LIMS2: variants seen among roughly 807,000 people sequenced by gnomAD.
LIMS2 encodes LIM and senescent cell antigen-like-containing domain protein 2.
LIMS2 carries 30 observed loss-of-function variants against 45.3 expected under a neutral mutation model. That is an observed-to-expected ratio of 0.66 (90% CI 0.50 to 0.90). The LOEUF is 0.90. Among genes scored for constraint, LIMS2 ranks in the 40% least tolerant of loss-of-function variants. LIMS2 has a pLI of 0.00. For synonymous variants in LIMS2, 173 were observed against 188.0 expected, an observed-to-expected ratio of 0.92 and a Z score of 0.65; for missense variants, 485 against 468.7, an observed-to-expected ratio of 1.03 and a Z score of -0.32.
At chr2:127,678,879 C>T (rs1685557426), upstream of LIMS2, among the ~76,000 whole-genome samples, 2 of 152,140 alleles carry the variant, frequency 1.3e-5, no homozygotes, top group Non-Finnish European at 2.9e-5. The surrounding 1 kb of genome is among the most constrained non-coding windows in gnomAD (Gnocchi z 5.3). Flanking sequence ...AAGAGAGGTC[C>T]ATTCTCCAGC....
rs900512457 is a variant in LIMS2, at chr2:127,674,926, G to A, written c.11+88C>T. The A allele has an allele frequency of 1.9e-3, 2,287 of 1,222,572 alleles. 9 individuals carry two copies. Among genetic ancestry groups the A allele is most frequent in the Non-Finnish European group, 2.2e-3 (2,160 of 981,620 alleles). 75.7% of individuals were successfully genotyped at this position (1,222,572 alleles called of 1,614,324 possible). On this transcript the variant is annotated intron_variant, in intron 1 of 9. Transcript: ENST00000355119. The stretch of plus-strand genomic sequence containing the variant: ...AGGGCGGAGCGGGGATCGTGGCGCC[G>A]CGGGGCTGTACGAGGGCGAGCTGCG...
Position 127,675,140 on chromosome 2 carries a change from C to A in LIMS2, c.-116G>T. ...CCGGGCCGCGGAGCAGGGAGACGCCCAAAAAAGGCCAAGAGCCGCTCCGCC... is the reference window on the plus strand; with the variant it reads ...CCGGGCCGCGGAGCAGGGAGACGCCAAAAAAAGGCCAAGAGCCGCTCCGCC... On this transcript the variant is annotated 5_prime_UTR_variant, in exon 1 of 10. Coordinates refer to ENST00000355119, the MANE Select transcript of LIMS2 (RefSeq NM_001161403.3). 1 of 787,102 alleles carries A rather than the reference C, an allele frequency of 1.3e-6. No individual in the cohort carries two copies. The highest frequency in any genetic ancestry group is 1.1e-4 in the East Asian group (1 of 9,108). 48.8% of individuals were successfully genotyped at this position (787,102 alleles called of 1,614,324 possible). A position where few individuals can be genotyped will look rare whatever the true frequency, so the allele number is the denominator to read the frequency against.
At chr2:127,640,675 C>T (rs1682315595) in intron 7 of LIMS2, 1 of 598,986 alleles carries the variant, frequency 1.7e-6, no homozygotes, top group African/African-American at 1.9e-5. Context: ...TGCCCGGGAC[C>T]TCACACCAGC....
chr2:127,656,589 A>G (rs1293842406), intron 2 of LIMS2, among the ~76,000 whole-genome samples: 1 of 151,282 alleles, frequency 6.6e-6, no homozygotes, highest in Non-Finnish European at 1.5e-5. Context: ...CATTTTTTGT[A>G]TTTTTAGTAC....
At chr2:127,662,224 G>C (rs572864026) in intron 1 of LIMS2, among the ~76,000 whole-genome samples, 1 of 152,332 alleles carries the variant, frequency 6.6e-6, no homozygotes, top group East Asian at 1.9e-4. Flanking sequence ...GCCAGGAATA[G>C]CTACCTCCAG....
chr2:127,659,768 A>G (rs1182441068), intron 1 of LIMS2, among the ~76,000 whole-genome samples: 1 of 152,208 alleles, frequency 6.6e-6, no homozygotes, highest in East Asian at 1.9e-4. Context: ...CCAGACCTCT[A>G]GACCCCAGTG....
rs1685470638 is a variant in LIMS2 at position 127,675,422 on chromosome 2, G to A, written c.-398C>T. ...AGTGGGGGTAAAAGTAGGGGTAAAG[G>A]TAGAGGGTGGGCCCCGCTCCCGCAC... On this transcript the variant is annotated 5_prime_UTR_variant, in exon 1 of 10. Transcript: ENST00000355119. 5.5e-6 allele frequency: 1 copy of A among 180,974 alleles called. No individual in the cohort carries two copies. 11.2% of individuals were successfully genotyped at this position (180,974 alleles called of 1,614,324 possible).
chr2:127,678,550 C>A (rs943904544), upstream of LIMS2, among the ~76,000 whole-genome samples: 1 of 152,058 alleles, frequency 6.6e-6, no homozygotes, highest in Non-Finnish European at 1.5e-5. This position sits in a 1 kb window ranked among gnomAD's most constrained non-coding sequence, Gnocchi z 5.3. Flanking sequence ...TTGGGCCGTG[C>A]GACAGTAGGG....
At chr2:127,666,043 C>G (rs1465693960) in intron 1 of LIMS2, among the ~76,000 whole-genome samples, 1 of 152,190 alleles carries the variant, frequency 6.6e-6, no homozygotes, top group African/African-American at 2.4e-5. Flanking sequence ...AATCTCTGCA[C>G]AACCTTACCA....
Position 127,672,829 on chromosome 2 carries a change from AG to A in LIMS2, c.11+2184del, listed in dbSNP as rs1685329097. Among the ~76,000 whole-genome samples the A allele has an allele frequency of 6.6e-6, 1 of 152,212 alleles. No homozygotes were observed. The highest frequency in any genetic ancestry group is 2.1e-4 in the South Asian group (1 of 4,832). On this transcript the variant is annotated intron_variant, in intron 1 of 9. Coordinates refer to ENST00000355119, the MANE Select transcript of LIMS2 (RefSeq NM_001161403.3). The surrounding 1 kb of genome is among the most constrained non-coding windows in gnomAD (Gnocchi z 4.9). The stretch of plus-strand genomic sequence containing the variant: ...TGGTGAGGTCCTAGGGAGAGCTGGC[AG>A]GGAGAAGCCCTGAAGGTATGCGAGC...
intron 2 of LIMS2, among the ~76,000 whole-genome samples, chr2:127,657,147 GC>G (rs1424901223): frequency 6.6e-6 from 1 of 152,316 alleles, no homozygotes; most frequent in Non-Finnish European, 1.5e-5. Flanking sequence ...GGCTCTTCCT[GC>G]CCCCAGGGCC....
chr2:127,656,123 A>C (rs1475673181), intron 2 of LIMS2: 1 of 152,244 alleles, frequency 6.6e-6, no homozygotes, highest in East Asian at 1.9e-4. Context: ...AATAATTAGC[A>C]AGTGGTATGC....
At chr2:127,655,060 C>T in intron 2 of LIMS2, 164 bp from the exon 3 acceptor site, 1 of 710,470 alleles carries the variant, frequency 1.4e-6, no homozygotes, top group East Asian at 2.7e-5. Context: ...CCAGAGAGGA[C>T]ACTGGCCCTT....
intron 4 of LIMS2, chr2:127,650,603 A>C (rs938891266): frequency 9.5e-6 from 7 of 733,794 alleles, no homozygotes; most frequent in Non-Finnish European, 1.6e-5. Context: ...GGCGGTGCTG[A>C]GCTTGAAAGT....
chr2:127,669,964 C>T (rs188453264), intron 1 of LIMS2, among the ~76,000 whole-genome samples: 9 of 152,058 alleles, frequency 5.9e-5, no homozygotes, highest in African/African-American at 1.9e-4. Context: ...CCTACTAAAC[C>T]GGACAACAAT....
intron 4 of LIMS2, chr2:127,649,911 G>C (rs1683534762): frequency 1.0e-6 from 1 of 955,008 alleles, no homozygotes; most frequent in Non-Finnish European, 1.6e-6. Flanking sequence ...AAGAGATGCT[G>C]CCCCCTGGTG....
chr2:127,639,385 A>G lies in LIMS2; in HGVS notation c.922T>C (p.Cys308Arg). The change falls in exon 10 of 10, where the codon TGC becomes CGC. Residue 308 changes from cysteine (C) to arginine (R), a missense_variant. Transcript: ENST00000355119. The stretch of plus-strand genomic sequence containing the variant: ...AGCTCCAGCGGGAACTTCTCGTAGC[A>G]CCTCTTACACACGGGCTTCATGTCG... ...EFDMKPVCKR[C>R]YEKFPLELKK... is the part of the protein sequence containing the mutation. 1 of 1,613,792 alleles carries G rather than the reference A, an allele frequency of 6.2e-7. No homozygotes were observed. The highest frequency in any genetic ancestry group is 8.5e-7 in the Non-Finnish European group (1 of 1,179,886).
Position 127,647,813 on chromosome 2 carries a change from T to G in LIMS2, c.360-4741A>C, listed in dbSNP as rs1671215183. On this transcript the variant is annotated intron_variant, in intron 4 of 9. Coordinates refer to ENST00000355119, the MANE Select transcript of LIMS2 (RefSeq NM_001161403.3). The surrounding 1 kb of genome is among the most constrained non-coding windows in gnomAD (Gnocchi z 4.3). ...GAGCCCTGTTCCTCCAGTCTCCGGGTCCTCACCCCCAGCACATGCAACACG... is the reference window on the plus strand; with the variant it reads ...GAGCCCTGTTCCTCCAGTCTCCGGGGCCTCACCCCCAGCACATGCAACACG... 6.6e-6 allele frequency among the ~76,000 whole-genome samples: 1 copy of G among 151,788 alleles called. No individual in the cohort carries two copies. The highest frequency in any genetic ancestry group is 6.6e-5 in the Admixed American group (1 of 15,260).
rs2244774 is a variant in LIMS2 at position 127,641,387 on chromosome 2, G to A, written c.661-399C>T. ...GGCAGAGGCGGCCCTGCCTGTCCAC[G>A]TGGGGCCTCCTGCAGGCACCCCCTG... On this transcript the variant is annotated intron_variant, in intron 6 of 9. Transcript: ENST00000355119. The A allele has an allele frequency of 2.2e-3, 455 of 205,162 alleles. 1 individual carries two copies. Among genetic ancestry groups the A allele is most frequent in the African/African-American group, 9.2e-3 (403 of 43,602 alleles). The allele number at this position is 205,162 out of a possible 1,614,324, so 12.7% of individuals were successfully genotyped here.
Sources: allele counts gnomAD v4.1 joint callset (sites outside exome capture counted in the v4.1 genomes callset), GRCh38; gene constraint gnomAD v4.1.1; non-coding constraint Gnocchi (gnomAD v3.1); transcripts MANE v1.5; gene names NCBI Gene and HGNC (gene_info 2026-07-23, HGNC 2026-07-21).